The following LAMA2 variants were observed in gnomAD, a reference collection of about 807,000 sequenced individuals.
LAMA2 encodes laminin subunit alpha-2.
A neutral mutation model predicts 364.8 loss-of-function variants in LAMA2; 269 were observed. The ratio of observed to expected loss-of-function variants is 0.74; its 90% CI spans 0.67 to 0.82. The LOEUF is 0.82. LAMA2 is among the 40% of genes least tolerant of loss of function. LAMA2 has a pLI of 0.00. For missense variants in LAMA2, 3,807 were observed against 3,873.2 expected, an observed-to-expected ratio of 0.98 and a Z score of 0.45; for synonymous variants, 1,379 against 1,370.6, an observed-to-expected ratio of 1.01 and a Z score of -0.14.
In LAMA2 at chr6:129,226,410, C is replaced by T. The variant is rs541266266; in HGVS notation, c.1783-23702C>T. ...TGGTTATTTTGCTCGTTAGTTGTTT[C>T]AGTTTCTTCCTAGCATCGATGGTCT... On this transcript the variant is annotated intron_variant, in intron 12 of 64. Coordinates refer to ENST00000421865, the MANE Select transcript of LAMA2 (RefSeq NM_000426.4). Among the ~76,000 whole-genome samples the T allele has an allele frequency of 1.8e-4, 28 of 152,320 alleles. 1 individual carries two copies. In the East Asian group the frequency reaches 5.4e-3, roughly 29 times the overall value.
intron 22 of LAMA2, among the ~76,000 whole-genome samples, chr6:129,311,003 C>T (rs1457307034): frequency 6.6e-6 from 1 of 152,074 alleles, no homozygotes; most frequent in East Asian, 1.9e-4. Flanking sequence ...TGTGTGCAGA[C>T]CAAAGCTAGT....
chr6:129,112,911 A>G (rs1334641675), intron 4 of LAMA2, among the ~76,000 whole-genome samples: 1 of 152,028 alleles, frequency 6.6e-6, no homozygotes, highest in Non-Finnish European at 1.5e-5. Context: ...AAACTGTAAA[A>G]CAGTTTCAGG....
intron 3 of LAMA2, among the ~76,000 whole-genome samples, chr6:129,066,042 T>C (rs138779758): frequency 0.34 from 11,672 of 33,858 alleles, 2,748 homozygotes; most frequent in East Asian, 0.67. Context: ...TCTCAGGTTT[T>C]TTTTTTTTTT....
At chr6:129,497,445 C>T (rs1562621043) in intron 58 of LAMA2, among the ~76,000 whole-genome samples, 1 of 152,176 alleles carries the variant, frequency 6.6e-6, no homozygotes, top group African/African-American at 2.4e-5. Flanking sequence ...ACCATGTTGG[C>T]CAGGCTGGTC....
At chr6:129,365,280 G>C (rs1477588779) in intron 32 of LAMA2, among the ~76,000 whole-genome samples, 4 of 152,238 alleles carry the variant, frequency 2.6e-5, no homozygotes, top group African/African-American at 9.6e-5. Flanking sequence ...AAGGGATAAA[G>C]AGGAACAGTT....
intron 23 of LAMA2, among the ~76,000 whole-genome samples, chr6:129,313,674 C>G (rs1338949463): frequency 6.6e-6 from 1 of 152,034 alleles, no homozygotes; most frequent in Non-Finnish European, 1.5e-5. Context: ...AGGATTTTTC[C>G]CCTCAGATAG....
intron 1 of LAMA2, among the ~76,000 whole-genome samples, chr6:128,934,049 T>C (rs1431877778): frequency 6.6e-6 from 1 of 152,242 alleles, no homozygotes; most frequent in African/African-American, 2.4e-5. Flanking sequence ...TATATTTATT[T>C]TAGAAGCTTT....
intron 20 of LAMA2, among the ~76,000 whole-genome samples, chr6:129,295,044 A>G (rs1699885982): frequency 6.6e-6 from 1 of 152,082 alleles, no homozygotes; most frequent in African/African-American, 2.4e-5. Flanking sequence ...TCCCGAGACT[A>G]TTTTTTCCTC....
Position 129,487,585 on chromosome 6 carries a change from A to G in LAMA2, c.7898+963A>G, listed in dbSNP as rs1784655878. Among the ~76,000 whole-genome samples the G allele has an allele frequency of 2.0e-5, 3 of 152,198 alleles. No individual in the cohort carries two copies. In the South Asian group the frequency reaches 6.2e-4, roughly 31 times the overall value. ...ATGTAGCAGTAGTTCAGCCAAGCCA[A>G]TACTATCCTGCAGTGAAAGACCTAC... On this transcript the variant is annotated intron_variant, in intron 56 of 64. Coordinates refer to ENST00000421865, the MANE Select transcript of LAMA2 (RefSeq NM_000426.4).
chr6:129,065,927 A>G (rs1472486249), intron 3 of LAMA2, among the ~76,000 whole-genome samples: 2 of 151,432 alleles, frequency 1.3e-5, no homozygotes, highest in African/African-American at 4.9e-5. Context: ...GCTGCCATCC[A>G]TGTAAGACAG....
chr6:128,901,138 C>T (rs1582631525), intron 1 of LAMA2, among the ~76,000 whole-genome samples: 1 of 152,296 alleles, frequency 6.6e-6, no homozygotes, highest in East Asian at 1.9e-4. Context: ...GCCTGGGCAA[C>T]AGAGCAAGAC....
intron 12 of LAMA2, among the ~76,000 whole-genome samples, chr6:129,227,238 T>G (rs1389305688): frequency 6.6e-6 from 1 of 152,180 alleles, no homozygotes; most frequent in Non-Finnish European, 1.5e-5. Context: ...TTGTCCTATC[T>G]TTTTTCAAGG....
At chr6:129,322,640 A>T (rs1441110043) in intron 28 of LAMA2, among the ~76,000 whole-genome samples, 1 of 152,178 alleles carries the variant, frequency 6.6e-6, no homozygotes, top group East Asian at 1.9e-4. Context: ...AATATTCTGT[A>T]AGTAGTCAAG....
Position 129,192,839 on chromosome 6 carries a change from T to C in LAMA2, c.1768T>C (p.Tyr590His), listed in dbSNP as rs1182084480. The C allele has an allele frequency of 1.9e-6, 3 of 1,614,018 alleles. No individual in the cohort carries two copies. The highest frequency in any genetic ancestry group is 1.7e-5 in the Admixed American group (1 of 60,016). Residue 590 changes from tyrosine to histidine, a missense_variant, in exon 12 of 65, where the codon TAT (tyrosine) becomes CAT (histidine). Around this residue, in one of 3 missense-constraint regions of LAMA2, gnomAD observed 3,333 missense variants for 3,345.7 expected, o/e 1.00. Coordinates refer to ENST00000421865, the MANE Select transcript of LAMA2 (RefSeq NM_000426.4). ...HSYYWSAPAP[Y>H]LGNKLPAVGG... is the part of the protein sequence containing the mutation. ...CTACTACTGGAGCGCGCCGGCTCCC[T>C]ATCTGGGAAACAAAGTAAGTCCACG...
At chr6:129,320,990 A>G (rs1774930685) in intron 28 of LAMA2, among the ~76,000 whole-genome samples, 1 of 152,152 alleles carries the variant, frequency 6.6e-6, no homozygotes, top group South Asian at 2.1e-4. Flanking sequence ...TGATTAGGAG[A>G]TAGGATTATA....
chr6:128,937,908 G>A (rs938593643), intron 1 of LAMA2, among the ~76,000 whole-genome samples: 3 of 150,736 alleles, frequency 2.0e-5, no homozygotes, highest in Non-Finnish European at 3.0e-5. Context: ...TTTAATATAG[G>A]CATTTATCAA....
At chr6:129,454,524 G>C (rs1355998811) in intron 47 of LAMA2, among the ~76,000 whole-genome samples, 2 of 152,064 alleles carry the variant, frequency 1.3e-5, no homozygotes, top group Non-Finnish European at 2.9e-5. Context: ...CCTTCATCTT[G>C]TGTCTGGTAG....
At chr6:128,980,277 G>T (rs886453739) in intron 1 of LAMA2, among the ~76,000 whole-genome samples, 2 of 152,144 alleles carry the variant, frequency 1.3e-5, no homozygotes, top group African/African-American at 4.8e-5. Context: ...TATCTTGCTG[G>T]TTCCCAGTAA....
intron 3 of LAMA2, among the ~76,000 whole-genome samples, chr6:129,095,037 C>A (rs1476505208): frequency 3.3e-5 from 5 of 152,170 alleles, no homozygotes; most frequent in Non-Finnish European, 5.9e-5. Flanking sequence ...TTTTGGCTAT[C>A]CAACTAAATG....
Sources: gnomAD v4.1 joint callset for allele counts (sites outside exome capture counted in the v4.1 genomes callset) on GRCh38, gnomAD v4.1.1 for gene constraint, gnomAD v4.1.1 regional missense constraint, MANE v1.5 for transcripts, NCBI Gene and HGNC (gene_info 2026-07-23, HGNC 2026-07-21) for gene names.